The following ZC4H2 variants were observed in gnomAD, a reference collection of about 807,000 sequenced individuals.
ZC4H2 encodes the protein zinc finger C4H2 domain-containing protein.
For synonymous variants in ZC4H2, 84 were observed against 66.3 expected (o/e 1.27, Z -1.30); for missense variants, 137 against 173.9 (o/e 0.79, Z 1.19).
chrX:64,991,430 G>A (rs1311267998), intron 1 of ZC4H2, among the ~76,000 whole-genome samples: 3 of 111,536 alleles, frequency 2.7e-5, no homozygotes, highest in Non-Finnish European at 5.7e-5. Context: ...TTACAAAGTG[G>A]AGGGGTGCAG....
At chrX:65,029,844 C>T (rs1932916984) in intron 1 of ZC4H2, among the ~76,000 whole-genome samples, 1 of 108,936 alleles carries the variant, frequency 9.2e-6, no homozygotes, top group Non-Finnish European at 1.9e-5. Context: ...GGTCATCTGC[C>T]ATAGTGGAGA....
At chrX:65,009,371 A>T (rs1932721935) in intron 1 of ZC4H2, among the ~76,000 whole-genome samples, 1 of 110,772 alleles carries the variant, frequency 9.0e-6, no homozygotes, top group Non-Finnish European at 1.9e-5. Context: ...GCAAGCCTTC[A>T]ATAGACTCCA....
At chrX:64,955,578 G>A (rs1329591827) in intron 1 of ZC4H2, among the ~76,000 whole-genome samples, 1 of 111,652 alleles carries the variant, frequency 9.0e-6, no homozygotes, top group Non-Finnish European at 1.9e-5. Context: ...AGCCCTTAAA[G>A]TAAAGCTAAC....
chrX:65,022,454 G>A (rs1297983879), intron 1 of ZC4H2, among the ~76,000 whole-genome samples: 2 of 111,659 alleles, frequency 1.8e-5, no homozygotes, highest in African/African-American at 3.3e-5. Context: ...ATGCAGAAAA[G>A]GTCTTTGACA....
At chrX:64,973,561 A>G (rs754920956) in intron 1 of ZC4H2, among the ~76,000 whole-genome samples, 1 of 110,391 alleles carries the variant, frequency 9.1e-6, no homozygotes, top group East Asian at 2.8e-4. Flanking sequence ...AGCTTCAATT[A>G]TCAAAATACA....
At chrX:64,981,447 T>G (rs1404700306), upstream of ZC4H2, among the ~76,000 whole-genome samples, 1 of 110,182 alleles carries the variant, frequency 9.1e-6, no homozygotes, top group Non-Finnish European at 1.9e-5. Context: ...TGAAGAAAAA[T>G]GGGCTGATTG....
intron 1 of ZC4H2, among the ~76,000 whole-genome samples, chrX:64,924,152 T>C (rs749814625): frequency 9.0e-6 from 1 of 111,714 alleles, no homozygotes; most frequent in East Asian, 2.8e-4. Context: ...TACAACCAGT[T>C]AGGGCAGTGC....
chrX:65,010,653 G>A (rs1446450314), intron 1 of ZC4H2, among the ~76,000 whole-genome samples: 1 of 111,618 alleles, frequency 9.0e-6, no homozygotes, highest in African/African-American at 3.3e-5. Context: ...GAGCTCAGAC[G>A]AGCTTTATCT....
chrX:64,926,411 A>G (rs765668851), intron 1 of ZC4H2, among the ~76,000 whole-genome samples: 8 of 111,809 alleles, frequency 7.2e-5, no homozygotes, highest in African/African-American at 2.6e-4. Context: ...GTTTTCATCC[A>G]AGAGTACAAT....
At chrX:64,947,699 A>T (rs912907484) in intron 1 of ZC4H2, among the ~76,000 whole-genome samples, 3 of 112,075 alleles carry the variant, frequency 2.7e-5, no homozygotes, top group Admixed American at 9.5e-5. Flanking sequence ...TGTCTGTAAC[A>T]ATAGCTGAGC....
chrX:64,920,814 C>A (rs1929164188), intron 2 of ZC4H2, among the ~76,000 whole-genome samples: 1 of 112,440 alleles, frequency 8.9e-6, no homozygotes, highest in Non-Finnish European at 1.9e-5. Context: ...CTTAGGTTCA[C>A]CTCAGACATA....
At chrX:64,999,540 C>T (rs1343632495) in intron 1 of ZC4H2, among the ~76,000 whole-genome samples, 2 of 112,215 alleles carry the variant, frequency 1.8e-5, no homozygotes, top group African/African-American at 3.2e-5. Context: ...GAGCTAGCTG[C>T]AAGAGCTTTC....
Position 64,964,163 on chromosome X carries a change from G to A in ZC4H2, c.53+12162C>T, listed in dbSNP as rs1028293564. Among the ~76,000 whole-genome samples the A allele has an allele frequency of 5.4e-5, 6 of 110,803 alleles. No homozygotes were observed. The Admixed American group carries it at 5.8e-4, about 11-fold the overall frequency. On this transcript the variant is annotated intron_variant, in intron 1 of 4. Transcript: ENST00000374839. ...ATACTGTATTATAAATATAAAATTT[G>A]TTGAGGGTAGATCTCAAGTTCTGTG... is the stretch of plus-strand genomic sequence containing the variant.
intron 1 of ZC4H2, among the ~76,000 whole-genome samples, chrX:64,970,797 T>C (rs188002422): frequency 6.3e-4 from 70 of 111,822 alleles, no homozygotes; most frequent in African/African-American, 2.0e-3. Context: ...GGAACGGAAA[T>C]ATATAAAACA....
At chrX:65,033,674 C>T (rs1291940023) in intron 1 of ZC4H2, among the ~76,000 whole-genome samples, 2 of 112,187 alleles carry the variant, frequency 1.8e-5, no homozygotes, top group Non-Finnish European at 3.8e-5. Context: ...CTCTGAGCCA[C>T]AGTAAGTTAT....
chrX:64,976,767 C>T (rs1435025446), upstream of ZC4H2, among the ~76,000 whole-genome samples: 1 of 111,435 alleles, frequency 9.0e-6, no homozygotes, highest in African/African-American at 3.3e-5. Context: ...CCATTCGCTC[C>T]CTTCGGGGGC....
chrX:64,937,534 G>A (rs1930071486), intron 1 of ZC4H2, among the ~76,000 whole-genome samples: 1 of 111,382 alleles, frequency 9.0e-6, no homozygotes, highest in African/African-American at 3.3e-5. Flanking sequence ...CACATAATTA[G>A]AAGTAAAACA....
At chrX:65,027,231 A>G (rs1932888477) in intron 1 of ZC4H2, among the ~76,000 whole-genome samples, 1 of 112,118 alleles carries the variant, frequency 8.9e-6, no homozygotes, top group Admixed American at 9.5e-5. Context: ...AAAGAGACAG[A>G]TTATGAAAAG....
intron 1 of ZC4H2, among the ~76,000 whole-genome samples, chrX:64,949,452 C>T (rs1223537286): frequency 9.0e-6 from 1 of 111,304 alleles, no homozygotes; most frequent in African/African-American, 3.3e-5. Context: ...TATTTGATGG[C>T]CTTCCCAAAA....
Sources: gnomAD v4.1 joint callset for allele counts (sites outside exome capture counted in the v4.1 genomes callset) on GRCh38, gnomAD v4.1.1 for gene constraint, MANE v1.5 for transcripts, NCBI Gene and HGNC (gene_info 2026-07-23, HGNC 2026-07-21) for gene names.